The following ADAMTS12 variants were observed in gnomAD, a reference collection of about 807,000 sequenced individuals.
The protein encoded by ADAMTS12 is A disintegrin and metalloproteinase with thrombospondin motifs 12.
A neutral mutation model predicts 167.8 loss-of-function variants in ADAMTS12; 118 were observed. The ratio of observed to expected loss-of-function variants is 0.70; its 90% confidence interval spans 0.61 to 0.82. ADAMTS12 has a LOEUF of 0.82. Among genes scored for constraint, ADAMTS12 ranks in the 40% least tolerant of loss-of-function variants. The probability of loss-of-function intolerance (pLI) is 0.00; values close to 1 mark genes in which losing one functional copy is unlikely to be tolerated. For missense variants in ADAMTS12, 1,916 were observed against 1,998.8 expected, an observed-to-expected ratio of 0.96 and a Z score of 0.79; for synonymous variants, 704 against 716.9, an observed-to-expected ratio of 0.98 and a Z score of 0.29.
intron 2 of ADAMTS12, among the ~76,000 whole-genome samples, chr5:33,772,298 C>G (rs1254890236): frequency 6.6e-6 from 1 of 152,190 alleles, no homozygotes; most frequent in Non-Finnish European, 1.5e-5. Context: ...CCTCACCTAT[C>G]TGGTCCCATC....
At chr5:33,885,491 A>T (rs866192087) in intron 1 of ADAMTS12, among the ~76,000 whole-genome samples, 1 of 147,022 alleles carries the variant, frequency 6.8e-6, no homozygotes, top group South Asian at 2.1e-4. Flanking sequence ...AAAAAATAAT[A>T]AAAAAAAATT....
rs1750443152 is a variant in ADAMTS12, at chr5:33,881,494, A to C, written c.128-14T>G. ...TGATAAAATGCTCTGAAAGAAAAGG[A>C]GAAATGGAAGAACAGTGAGGGAGAT... is the stretch of plus-strand genomic sequence containing the variant. On this transcript the variant is annotated splice_polypyrimidine_tract_variant and intron_variant, in intron 1 of 23. Transcript: ENST00000504830. 1.2e-5 allele frequency: 19 copies of C among 1,605,472 alleles called. No individual in the cohort carries two copies. Among genetic ancestry groups the C allele is most frequent in the Non-Finnish European group, 1.5e-5 (18 of 1,178,182 alleles).
intron 20 of ADAMTS12, among the ~76,000 whole-genome samples, chr5:33,557,169 G>T (rs570596382): frequency 6.6e-6 from 1 of 152,338 alleles, no homozygotes; most frequent in Admixed American, 6.5e-5. Context: ...TGATACCTGT[G>T]GGTTCAGGTG....
intron 20 of ADAMTS12, among the ~76,000 whole-genome samples, chr5:33,552,589 T>C (rs1745297554): frequency 1.3e-5 from 2 of 152,346 alleles, no homozygotes; most frequent in South Asian, 4.1e-4. Context: ...CTTAAAATAA[T>C]TCTTTCTGAA....
intron 2 of ADAMTS12, among the ~76,000 whole-genome samples, chr5:33,778,785 A>G (rs556643918): frequency 6.6e-6 from 1 of 152,152 alleles, no homozygotes; most frequent in South Asian, 2.1e-4. Context: ...GATAAGGGGT[A>G]AATATCCAAA....
intron 9 of ADAMTS12, among the ~76,000 whole-genome samples, chr5:33,644,007 G>C (rs1483228504): frequency 3.3e-5 from 5 of 152,156 alleles, no homozygotes; most frequent in African/African-American, 4.8e-5. Flanking sequence ...ACCCTTATGG[G>C]GATAAAGGAA....
At position 33,526,200 on chromosome 5, in the gene ADAMTS12, G is replaced by A. The variant is rs1357705495; in HGVS notation, c.*988C>T. 1 of 152,172 alleles carries A rather than the reference G, an allele frequency of 6.6e-6. No homozygotes were observed. Among genetic ancestry groups the A allele is most frequent in the Non-Finnish European group, 1.5e-5 (1 of 68,058 alleles). The allele number at this position is 152,172 out of a possible 1,614,324, so 9.4% of individuals were successfully genotyped here. A position where few individuals can be genotyped will look rare whatever the true frequency, so the allele number is the denominator to read the frequency against. On this transcript the variant is annotated 3_prime_UTR_variant, in exon 24 of 24. Coordinates refer to ENST00000504830, the MANE Select transcript of ADAMTS12 (RefSeq NM_030955.4). ...ACCTCCATTTTCCAACCTGAGAAGA[G>A]GTGAGGACAGGTGGCAGCCCTAGAG... is the stretch of plus-strand genomic sequence containing the variant.
chr5:33,852,112 C>G (rs1016338806), intron 2 of ADAMTS12, among the ~76,000 whole-genome samples: 1 of 152,024 alleles, frequency 6.6e-6, no homozygotes, highest in East Asian at 1.9e-4. Flanking sequence ...ACAACAACAA[C>G]AACAAAACCA....
In ADAMTS12 at chr5:33,565,866, G is replaced by A. The variant is rs554052862; in HGVS notation, c.3973-4687C>T. Among the ~76,000 whole-genome samples, 19 of 152,186 alleles carry A rather than the reference G, an allele frequency of 1.2e-4. No individual in the cohort carries two copies. In the South Asian group the frequency reaches 2.3e-3, roughly 18 times the overall value. ...CGTACTTCATTTTGGCTTAATTTGC[G>A]TGGATATAGTAATGGCTCGTTAAAT... On this transcript the variant is annotated intron_variant, in intron 19 of 23. Coordinates refer to ENST00000504830, the MANE Select transcript of ADAMTS12 (RefSeq NM_030955.4).
At chr5:33,642,494 T>C (rs1197060085) in intron 10 of ADAMTS12, among the ~76,000 whole-genome samples, 1 of 152,158 alleles carries the variant, frequency 6.6e-6, no homozygotes, top group Non-Finnish European at 1.5e-5. Context: ...TGTTAGGAAG[T>C]TCTTCATTAC....
chr5:33,571,454 A>G (rs1393208071), intron 19 of ADAMTS12, among the ~76,000 whole-genome samples: 1 of 152,042 alleles, frequency 6.6e-6, no homozygotes, highest in Admixed American at 6.6e-5. Flanking sequence ...CCTCAAAACC[A>G]CTCAACTACA....
rs1288347690 is a variant in ADAMTS12 at position 33,714,819 on chromosome 5, AGAG to A, written c.635-30767_635-30765del. Among the ~76,000 whole-genome samples the A allele has an allele frequency of 2.6e-5, 4 of 151,956 alleles. No homozygotes were observed. The East Asian group carries it at 7.7e-4, about 29-fold the overall frequency. On this transcript the variant is annotated intron_variant, in intron 3 of 23. Coordinates refer to ENST00000504830, the MANE Select transcript of ADAMTS12 (RefSeq NM_030955.4). ...GGGGCAGAGGGAAGGCAGAGTATGA[AGAG>A]AAGTTGGTTAATGGGTACAGACATA...
At chr5:33,782,241 G>A (rs1458269476) in intron 2 of ADAMTS12, among the ~76,000 whole-genome samples, 4 of 151,732 alleles carry the variant, frequency 2.6e-5, no homozygotes, top group East Asian at 1.9e-4. Flanking sequence ...TAAATGGAGC[G>A]ACATTAAAGC....
chr5:33,876,361 G>C (rs1750225357), intron 2 of ADAMTS12, among the ~76,000 whole-genome samples: 1 of 152,134 alleles, frequency 6.6e-6, no homozygotes, highest in Non-Finnish European at 1.5e-5. Flanking sequence ...GACTAAAATG[G>C]GAGGAATCAG....
At position 33,814,756 on chromosome 5, in the gene ADAMTS12, C is replaced by T. The variant is rs77656862; in HGVS notation, c.490-63208G>A. 4.2e-4 allele frequency among the ~76,000 whole-genome samples: 64 copies of T among 152,214 alleles called. 1 individual carries two copies. In the East Asian group the frequency reaches 0.012, roughly 28 times the overall value. ...CATGCACACTAGAAAAAGTTCTTCA[C>T]GGAATAACTTCACGTCAACTGCGTC... On this transcript the variant is annotated intron_variant, in intron 2 of 23. Coordinates refer to ENST00000504830, the MANE Select transcript of ADAMTS12 (RefSeq NM_030955.4).
intron 2 of ADAMTS12, among the ~76,000 whole-genome samples, chr5:33,757,482 T>C (rs1354399055): frequency 6.6e-6 from 1 of 152,204 alleles, no homozygotes; most frequent in Non-Finnish European, 1.5e-5. Context: ...GTTCCACTTC[T>C]AGAGGGAGTT....
At chr5:33,667,766 C>T (rs1325399375) in intron 5 of ADAMTS12, among the ~76,000 whole-genome samples, 1 of 152,158 alleles carries the variant, frequency 6.6e-6, no homozygotes, top group Non-Finnish European at 1.5e-5. Flanking sequence ...CAGCCACATT[C>T]TCCTGACAGC....
chr5:33,566,490 A>C lies in ADAMTS12; in HGVS notation c.3973-5311T>G, dbSNP rs79190388. Among the ~76,000 whole-genome samples, 222 of 151,864 alleles carry C rather than the reference A, an allele frequency of 1.5e-3. 5 individuals are homozygous for C. The East Asian group carries it at 0.04, about 27-fold the overall frequency. On this transcript the variant is annotated intron_variant, in intron 19 of 23. Transcript: ENST00000504830. ...AAAAAAGTCAATGAGTCAGTGACGG[A>C]CTCCTTCTCTTCTCCTCTCTCTTCT...
intron 3 of ADAMTS12, among the ~76,000 whole-genome samples, chr5:33,728,768 A>T (rs1319008164): frequency 6.6e-6 from 1 of 152,240 alleles, no homozygotes; most frequent in Non-Finnish European, 1.5e-5. Flanking sequence ...ATGGAGAGAA[A>T]AGATTTCTAG....
Sources: gnomAD v4.1 joint callset for allele counts (sites outside exome capture counted in the v4.1 genomes callset) on GRCh38, gnomAD v4.1.1 for gene constraint, MANE v1.5 for transcripts, NCBI Gene and HGNC (gene_info 2026-07-23, HGNC 2026-07-21) for gene names.